Variants in NCOA7 observed in about 807,000 individuals in gnomAD.
NCOA7 encodes the protein nuclear receptor coactivator 7.
NCOA7 carries 45 observed loss-of-function variants against 104.3 expected under a neutral mutation model. That is an observed-to-expected ratio of 0.43 (90% CI 0.34 to 0.55). The LOEUF (loss-of-function observed/expected upper bound fraction) is 0.55. NCOA7 is among the 20% of genes least tolerant of loss of function. The probability of loss-of-function intolerance (pLI) is 0.02; values close to 1 mark genes in which losing one functional copy is unlikely to be tolerated. For synonymous variants in NCOA7, 398 were observed against 402.3 expected (o/e 0.99, Z 0.13); for missense variants, 1,041 against 1,119.7 (o/e 0.93, Z 1.00).
chr6:125,842,173 G>T (rs767379749), intron 2 of NCOA7, among the ~76,000 whole-genome samples: 4 of 152,140 alleles, frequency 2.6e-5, no homozygotes, highest in Non-Finnish European at 5.9e-5. Context: ...TTTCAGTAGA[G>T]TATTAGTTTA....
intron 3 of NCOA7, among the ~76,000 whole-genome samples, chr6:125,860,537 G>A (rs554219470): frequency 2.0e-5 from 3 of 152,184 alleles, no homozygotes; most frequent in East Asian, 3.9e-4. Context: ...TAGTAGAGAC[G>A]GGGTTTCACC....
intron 3 of NCOA7, among the ~76,000 whole-genome samples, chr6:125,857,578 A>G (rs1325331712): frequency 1.4e-5 from 2 of 147,454 alleles, no homozygotes; most frequent in Admixed American, 1.4e-4. Context: ...TTTTTTTTTT[A>G]TATACAGAGT....
intron 10 of NCOA7, among the ~76,000 whole-genome samples, chr6:125,905,118 TCA>T (rs1458821377): frequency 1.3e-5 from 2 of 152,038 alleles, no homozygotes; most frequent in Non-Finnish European, 2.9e-5. Flanking sequence ...ACAGCGTGAG[TCA>T]CAGAGAGTTT....
chr6:125,882,408 A>T lies in NCOA7; in HGVS notation c.574-18A>T. ...AAAAGTGCTTTTATTTGATTTTGAA[A>T]TTTTTTGCTTTCACAAGGATGCTGA... On this transcript the variant is annotated intron_variant, in intron 6 of 15. Coordinates refer to ENST00000392477, the MANE Select transcript of NCOA7 (RefSeq NM_181782.5). The T allele has an allele frequency of 6.2e-7, 1 of 1,608,532 alleles. No individual in the cohort carries two copies. Among genetic ancestry groups the T allele is most frequent in the Non-Finnish European group, 8.5e-7 (1 of 1,178,550 alleles).
At chr6:125,822,935 C>CAAA (rs1361583039) in intron 2 of NCOA7, among the ~76,000 whole-genome samples, 6 of 55,546 alleles carry the variant, frequency 1.1e-4, no homozygotes, top group Admixed American at 2.1e-4. Flanking sequence ...ACTCCATCTC[C>CAAA]AAAAAAAAAA....
chr6:125,807,443 GA>G (rs1423557435), intron 1 of NCOA7, among the ~76,000 whole-genome samples: 2 of 152,144 alleles, frequency 1.3e-5, no homozygotes, highest in East Asian at 3.8e-4. Flanking sequence ...TTTTCGAGGT[GA>G]GGGGGAGGAA....
upstream of NCOA7, among the ~76,000 whole-genome samples, chr6:125,786,626 G>C (rs1301341552): frequency 6.7e-6 from 1 of 148,368 alleles, no homozygotes; most frequent in Non-Finnish European, 1.5e-5. Context: ...GCCCAGGCTG[G>C]AGTGCATAAG....
chr6:125,919,759 C>G (rs984744235), intron 11 of NCOA7, among the ~76,000 whole-genome samples: 1 of 152,188 alleles, frequency 6.6e-6, no homozygotes, highest in Non-Finnish European at 1.5e-5. Context: ...GAAACACTCC[C>G]CCAGAAAATG....
At chr6:125,915,300 G>A in intron 10 of NCOA7, 33 bp from the exon 11 acceptor site, 1 of 1,610,000 alleles carries the variant, frequency 6.2e-7, no homozygotes, top group Non-Finnish European at 8.5e-7. Context: ...AAGTGGACAT[G>A]GTGTTAACAT....
In NCOA7 at chr6:125,885,160, G is replaced by T. The variant is rs1425035170; in HGVS notation, c.701G>T (p.Gly234Val). 2.5e-6 allele frequency: 4 copies of T among 1,613,762 alleles called. No individual in the cohort carries two copies. Among genetic ancestry groups the T allele is most frequent in the Non-Finnish European group, 3.4e-6 (4 of 1,179,844 alleles). ...CTGTCCTGTTGCTTTCTCCTGCAGG[G>T]TGTGGTTGGCGGTGTTATGATAGTG... ...MNCRYFTDGKGVVGGVMIVTP... is the reference protein window; with the variant it reads ...MNCRYFTDGKVVVGGVMIVTP... The change falls in exon 8 of 16, where the codon GGT (glycine) becomes GTT (valine). Residue 234 changes from glycine to valine, a missense_variant and splice_region_variant. This residue lies in a region of NCOA7 where 914 missense variants were observed against 942.7 expected (regional missense o/e 0.97). Coordinates refer to ENST00000392477, the MANE Select transcript of NCOA7 (RefSeq NM_181782.5).
intron 10 of NCOA7, among the ~76,000 whole-genome samples, chr6:125,892,815 G>T (rs1784725832): frequency 6.6e-6 from 1 of 152,176 alleles, no homozygotes; most frequent in African/African-American, 2.4e-5. Flanking sequence ...AACTAATTAT[G>T]AATCAACCAA....
Position 125,890,698 on chromosome 6 carries a change from A to C in NCOA7, c.1984A>C (p.Lys662Gln). 1 of 1,613,890 alleles carries C rather than the reference A, an allele frequency of 6.2e-7. No individual in the cohort carries two copies. The highest frequency in any genetic ancestry group is 1.1e-5 in the South Asian group (1 of 91,066). The change falls in exon 10 of 16, where the codon AAA becomes CAA. Residue 662 changes from lysine (K) to glutamine (Q), a missense_variant. Physicochemically the swap from Lys to Gln is moderately conservative, Grantham distance 53. Transcript: ENST00000392477. ...GACCCCACCCATGTTCCTGTGCATC[A>C]AAGTGGGAAAACCAATGAGAAAATC... ...SKTPPMFLCI[K>Q]VGKPMRKSFA...
intron 10 of NCOA7, among the ~76,000 whole-genome samples, chr6:125,893,978 G>T (rs1784809325): frequency 6.6e-6 from 1 of 152,146 alleles, no homozygotes; most frequent in Non-Finnish European, 1.5e-5. Context: ...AGATAATAGT[G>T]GTGTGCTGGG....
intron 3 of NCOA7, chr6:125,855,483 C>T (rs747552376): frequency 3.5e-5 from 12 of 338,178 alleles, no homozygotes; most frequent in African/African-American, 4.2e-5. Context: ...TACTACTAAA[C>T]GTTTATCTAA....
At chr6:125,805,282 A>T (rs567787178) in intron 1 of NCOA7, among the ~76,000 whole-genome samples, 5 of 151,812 alleles carry the variant, frequency 3.3e-5, no homozygotes, top group Admixed American at 3.3e-4. Context: ...TTTAGTAGAG[A>T]TGAGGTTTCA....
intron 2 of NCOA7, among the ~76,000 whole-genome samples, chr6:125,842,387 T>C (rs925476743): frequency 9.8e-5 from 15 of 152,330 alleles, no homozygotes; most frequent in African/African-American, 3.4e-4. Flanking sequence ...AACATTTTGC[T>C]GTTCTTCCAG....
intron 10 of NCOA7, among the ~76,000 whole-genome samples, chr6:125,895,590 G>A (rs1190819964): frequency 6.6e-6 from 1 of 152,122 alleles, no homozygotes; most frequent in African/African-American, 2.4e-5. Flanking sequence ...GTTAATTGAC[G>A]AGAAACAAAG....
At chr6:125,827,268 T>C (rs1464358911) in intron 2 of NCOA7, among the ~76,000 whole-genome samples, 1 of 147,000 alleles carries the variant, frequency 6.8e-6, no homozygotes, top group Non-Finnish European at 1.5e-5. Flanking sequence ...AAAAATGCAC[T>C]CTTCTAATAA....
intron 2 of NCOA7, among the ~76,000 whole-genome samples, chr6:125,847,093 A>C (rs1043100801): frequency 2.0e-5 from 3 of 152,346 alleles, no homozygotes; most frequent in Middle Eastern, 3.4e-3. Flanking sequence ...GTAATTGTAC[A>C]TGGTATAAAA....
Sources: allele counts gnomAD v4.1 joint callset (sites outside exome capture counted in the v4.1 genomes callset), GRCh38; gene constraint gnomAD v4.1.1; regional missense constraint gnomAD v4.1.1; transcripts MANE v1.5; gene names NCBI Gene and HGNC (gene_info 2026-07-23, HGNC 2026-07-21).